CTNNA3: variants seen among roughly 807,000 people sequenced by gnomAD.
CTNNA3 encodes catenin alpha-3.
A neutral mutation model predicts 95.7 loss-of-function variants in CTNNA3; 76 were observed. That is an observed-to-expected ratio of 0.79 (90% CI 0.66 to 0.96). The LOEUF (loss-of-function observed/expected upper bound fraction) is 0.96. Among genes scored for constraint, CTNNA3 ranks in the 40% least tolerant of loss-of-function variants. The pLI, the probability that CTNNA3 is intolerant of heterozygous loss-of-function variation, is 0.00. For synonymous variants in CTNNA3, 431 were observed against 374.4 expected (o/e 1.15, Z -1.74); for missense variants, 1,191 against 1,089.8 (o/e 1.09, Z -1.31).
intron 11 of CTNNA3, among the ~76,000 whole-genome samples, chr10:66,512,843 T>C (rs1840709513): frequency 6.6e-6 from 1 of 152,178 alleles, no homozygotes; most frequent in African/African-American, 2.4e-5. Flanking sequence ...TATCCTCTCC[T>C]AGCTTGTAAG....
intron 5 of CTNNA3, among the ~76,000 whole-genome samples, chr10:67,506,004 T>G (rs1248531614): frequency 6.6e-6 from 1 of 152,152 alleles, no homozygotes; most frequent in Non-Finnish European, 1.5e-5. Flanking sequence ...CTTGCTAAAA[T>G]CCCATAAGTG....
chr10:66,225,748 T>G (rs929534922), intron 13 of CTNNA3, among the ~76,000 whole-genome samples: 1 of 152,074 alleles, frequency 6.6e-6, no homozygotes. Flanking sequence ...TTTCTGATTT[T>G]TTTTTAATAA....
intron 7 of CTNNA3, among the ~76,000 whole-genome samples, chr10:67,165,462 T>C (rs943359841): frequency 6.6e-6 from 1 of 152,116 alleles, no homozygotes; most frequent in African/African-American, 2.4e-5. Flanking sequence ...GTGTTGGTGA[T>C]TACACAAACC....
At chr10:67,726,682 A>C (rs1398184070) in intron 1 of CTNNA3, among the ~76,000 whole-genome samples, 1 of 91,480 alleles carries the variant, frequency 1.1e-5, no homozygotes, top group Non-Finnish European at 1.9e-5. Flanking sequence ...ATTATATAAT[A>C]TATGATGTAT....
intron 11 of CTNNA3, among the ~76,000 whole-genome samples, chr10:66,516,208 TA>T (rs1840852234): frequency 6.6e-6 from 1 of 152,138 alleles, no homozygotes; most frequent in Admixed American, 6.5e-5. Flanking sequence ...GAAGATGCCA[TA>T]ATCTGTGGGA....
At position 66,192,202 on chromosome 10, in the gene CTNNA3, C is replaced by T. The variant is rs190703752; in HGVS notation, c.1884+88268G>A. On this transcript the variant is annotated intron_variant, in intron 13 of 17. Transcript: ENST00000433211. ...TGGTAAAATTCTGAGATGGCTCTTC[C>T]TTCTAGCAATACCTTCACACACTCC... is the stretch of plus-strand genomic sequence containing the variant. 3.9e-5 allele frequency among the ~76,000 whole-genome samples: 6 copies of T among 152,218 alleles called. No individual in the cohort carries two copies. In the East Asian group the frequency reaches 1.2e-3, roughly 29 times the overall value.
chr10:65,999,082 T>C (rs2078720305), intron 15 of CTNNA3, among the ~76,000 whole-genome samples: 1 of 152,160 alleles, frequency 6.6e-6, no homozygotes, highest in Admixed American at 6.5e-5. Context: ...GATTGCTTTG[T>C]AATAAAAAAA....
chr10:66,987,593 C>T (rs1425737505), intron 7 of CTNNA3, among the ~76,000 whole-genome samples: 1 of 152,180 alleles, frequency 6.6e-6, no homozygotes, highest in Admixed American at 6.5e-5. Context: ...CCAGTTACTA[C>T]TGTCTCATTC....
At chr10:66,664,589 C>A (rs1045496871) in intron 9 of CTNNA3, among the ~76,000 whole-genome samples, 6 of 151,928 alleles carry the variant, frequency 3.9e-5, no homozygotes, top group Admixed American at 3.9e-4. Context: ...GCCATGACTA[C>A]GACAAGCCTG....
At chr10:66,043,639 G>A (rs1240939310) in intron 15 of CTNNA3, among the ~76,000 whole-genome samples, 2 of 152,162 alleles carry the variant, frequency 1.3e-5, no homozygotes, top group Non-Finnish European at 2.9e-5. Context: ...TGTCCTGAAT[G>A]CTGTCAGAGC....
At chr10:66,771,993 T>C (rs1018185261) in intron 8 of CTNNA3, among the ~76,000 whole-genome samples, 1 of 150,740 alleles carries the variant, frequency 6.6e-6, no homozygotes, top group Non-Finnish European at 1.5e-5. Flanking sequence ...TAGTTGCTTA[T>C]GAGTTGGGGT....
At chr10:66,903,342 A>G (rs953241473) in intron 7 of CTNNA3, among the ~76,000 whole-genome samples, 1 of 152,218 alleles carries the variant, frequency 6.6e-6, no homozygotes, top group Non-Finnish European at 1.5e-5. Context: ...TCCTGCTAAA[A>G]ACTCTCAATA....
intron 9 of CTNNA3, among the ~76,000 whole-genome samples, chr10:66,647,740 C>T (rs1425140891): frequency 6.6e-6 from 1 of 151,042 alleles, no homozygotes; most frequent in Admixed American, 6.6e-5. Flanking sequence ...AGGATGGTCT[C>T]GATCTTCTGA....
At chr10:67,038,630 G>A (rs778104897) in intron 7 of CTNNA3, among the ~76,000 whole-genome samples, 23 of 151,986 alleles carry the variant, frequency 1.5e-4, no homozygotes, top group Non-Finnish European at 2.4e-4. Context: ...TTGTTATCTG[G>A]TCTTTCAACC....
At chr10:67,094,413 G>T (rs530731081) in intron 7 of CTNNA3, among the ~76,000 whole-genome samples, 31 of 151,692 alleles carry the variant, frequency 2.0e-4, no homozygotes, top group Non-Finnish European at 3.8e-4. Flanking sequence ...TAAAATACAT[G>T]ATAGCAATTG....
chr10:67,065,517 A>G (rs1856021807), intron 7 of CTNNA3, among the ~76,000 whole-genome samples: 1 of 152,146 alleles, frequency 6.6e-6, no homozygotes, highest in Non-Finnish European at 1.5e-5. Flanking sequence ...CATCTGTTCC[A>G]TCTTCTTCCT....
rs1046185669 is a variant in CTNNA3, at chr10:67,436,812, A to T, written c.579+85030T>A. Among the ~76,000 whole-genome samples the T allele has an allele frequency of 1.9e-4, 29 of 152,118 alleles. 1 individual carries two copies. The highest frequency in any genetic ancestry group is 2.2e-4 in the Non-Finnish European group (15 of 67,996). ...CTGCAAGAATGGCCATAAGCAAAAA[A>T]TCAAAAAACAGTAGATGTTGGCATG... On this transcript the variant is annotated intron_variant, in intron 5 of 17. Coordinates refer to ENST00000433211, the MANE Select transcript of CTNNA3 (RefSeq NM_013266.4).
intron 7 of CTNNA3, among the ~76,000 whole-genome samples, chr10:67,053,628 T>C (rs912436775): frequency 4.6e-5 from 7 of 152,160 alleles, no homozygotes; most frequent in Admixed American, 2.6e-4. Context: ...GATCCTTTTC[T>C]AAACTGTAAA....
At chr10:67,353,655 AAGG>A (rs1842714053) in intron 5 of CTNNA3, among the ~76,000 whole-genome samples, 1 of 151,964 alleles carries the variant, frequency 6.6e-6, no homozygotes, top group South Asian at 2.1e-4. Context: ...CCAAAAATGA[AAGG>A]AGTATGATGA....
Sources: allele counts gnomAD v4.1 joint callset (sites outside exome capture counted in the v4.1 genomes callset), GRCh38; gene constraint gnomAD v4.1.1; transcripts MANE v1.5; gene names NCBI Gene and HGNC (gene_info 2026-07-23, HGNC 2026-07-21).